The following CSMD1 variants were observed in gnomAD, a reference collection of about 807,000 sequenced individuals.
CSMD1 encodes the protein CUB and sushi domain-containing protein 1.
CSMD1 carries 213 observed loss-of-function variants against 417.5 expected under a neutral mutation model. The ratio of observed to expected loss-of-function variants is 0.51; its 90% confidence interval spans 0.46 to 0.57. The LOEUF (loss-of-function observed/expected upper bound fraction) is 0.57, where lower values mean the gene tolerates loss of function less well. CSMD1 is among the 20% of genes least tolerant of loss of function. The probability of loss-of-function intolerance (pLI) is 0.00; values close to 1 mark genes in which losing one functional copy is unlikely to be tolerated. For missense variants in CSMD1, 6,923 were observed against 4,529.7 expected, an observed-to-expected ratio of 1.53 and a Z score of -15.17; for synonymous variants, 2,862 against 1,736.8, an observed-to-expected ratio of 1.65 and a Z score of -16.11.
rs530587766 is a variant in CSMD1 at position 3,973,842 on chromosome 8, TTTTTAA to T, written c.818+24055_818+24060del. On this transcript the variant is annotated intron_variant, in intron 5 of 69. Coordinates refer to ENST00000635120, the MANE Select transcript of CSMD1 (RefSeq NM_033225.6). ...TATGTGTTTAATATGTAGTTGCTGT[TTTTTAA>T]TTTTAAGTGTTTATGGGTAACTATG... Among the ~76,000 whole-genome samples the T allele has an allele frequency of 3.9e-3, 589 of 152,306 alleles. 4 individuals are homozygous for T. The highest frequency in any genetic ancestry group is 6.5e-3 in the Non-Finnish European group (439 of 68,018).
chr8:4,682,941 G>A (rs1171875301), intron 1 of CSMD1, among the ~76,000 whole-genome samples: 1 of 130,434 alleles, frequency 7.7e-6, no homozygotes, highest in Non-Finnish European at 1.6e-5. Context: ...TTCTTTAGGA[G>A]CAATAAGTAT....
chr8:3,996,057 A>G (rs1354920832), intron 5 of CSMD1, among the ~76,000 whole-genome samples: 1 of 152,228 alleles, frequency 6.6e-6, no homozygotes, highest in Non-Finnish European at 1.5e-5. Context: ...CAATGGTCCC[A>G]TCAACTTTTC....
At chr8:3,692,242 C>T (rs1800289087) in intron 7 of CSMD1, among the ~76,000 whole-genome samples, 1 of 152,112 alleles carries the variant, frequency 6.6e-6, no homozygotes, top group South Asian at 2.1e-4. Context: ...CCTTCACAGC[C>T]CCCTTAGTCG....
chr8:3,716,384 T>C (rs1366625215), intron 6 of CSMD1, among the ~76,000 whole-genome samples: 1 of 152,222 alleles, frequency 6.6e-6, no homozygotes, highest in Non-Finnish European at 1.5e-5. Context: ...AGGCCGCTGG[T>C]TGCCCATTTT....
intron 1 of CSMD1, among the ~76,000 whole-genome samples, chr8:4,740,799 G>A (rs1176341617): frequency 6.6e-6 from 1 of 152,062 alleles, no homozygotes; most frequent in African/African-American, 2.4e-5. Context: ...TCAAAGCACA[G>A]GTATAGGATA....
intron 2 of CSMD1, among the ~76,000 whole-genome samples, chr8:4,592,625 G>C (rs1486023861): frequency 6.6e-6 from 1 of 152,130 alleles, no homozygotes; most frequent in Admixed American, 6.5e-5. Flanking sequence ...GATCCCAAGT[G>C]ATCCGCCTGT....
chr8:4,597,659 C>G (rs1159012970), intron 2 of CSMD1, among the ~76,000 whole-genome samples: 3 of 152,116 alleles, frequency 2.0e-5, no homozygotes, highest in African/African-American at 7.2e-5. Flanking sequence ...TACTATAACA[C>G]AATCAGAAAA....
At position 4,728,862 on chromosome 8, in the gene CSMD1, A is replaced by C. The variant is rs113685837; in HGVS notation, c.86-91304T>G. 3.1e-3 allele frequency among the ~76,000 whole-genome samples: 472 copies of C among 152,304 alleles called. 2 individuals carry two copies. Among genetic ancestry groups the C allele is most frequent in the African/African-American group, 0.011 (464 of 41,574 alleles). On this transcript the variant is annotated intron_variant, in intron 1 of 69. Transcript: ENST00000635120. ...GCTGGCATCTACTGAGATTAATAAA[A>C]GAGGGGAAGGGGAGAATTATTGGAG...
intron 25 of CSMD1, among the ~76,000 whole-genome samples, chr8:3,304,761 A>T (rs990408154): frequency 1.3e-5 from 2 of 151,932 alleles, no homozygotes; most frequent in African/African-American, 4.8e-5. Flanking sequence ...AATGTTAACA[A>T]AGTATTAGAT....
intron 3 of CSMD1, among the ~76,000 whole-genome samples, chr8:4,214,353 AGTGGTGC>A (rs1800503928): frequency 6.6e-6 from 1 of 152,202 alleles, no homozygotes. Context: ...GCTGGAGTGC[AGTGGTGC>A]GATCTTGGCT....
intron 12 of CSMD1, among the ~76,000 whole-genome samples, chr8:3,433,667 T>G (rs1240372422): frequency 6.6e-6 from 1 of 152,198 alleles, no homozygotes; most frequent in African/African-American, 2.4e-5. Flanking sequence ...ATTGGTGAGA[T>G]GCTTCTCTCT....
rs73660893 is a variant in CSMD1 at position 4,520,793 on chromosome 8, T to C, written c.303-100728A>G. 2.8e-3 allele frequency among the ~76,000 whole-genome samples: 422 copies of C among 152,298 alleles called. 3 individuals carry two copies. Among genetic ancestry groups the C allele is most frequent in the African/African-American group, 9.7e-3 (403 of 41,552 alleles). On this transcript the variant is annotated intron_variant, in intron 2 of 69. Transcript: ENST00000635120. ...TAAATATAGATTATTGCAATGAAAA[T>C]TTGAAATTATATTGGAGTGCCCTGT...
chr8:4,316,652 G>A (rs1350569349), intron 3 of CSMD1, among the ~76,000 whole-genome samples: 1 of 152,054 alleles, frequency 6.6e-6, no homozygotes, highest in East Asian at 1.9e-4. Context: ...GGTACACTGT[G>A]TCAAGATGAA....
intron 23 of CSMD1, among the ~76,000 whole-genome samples, chr8:3,331,622 T>C (rs1474442113): frequency 2.0e-5 from 3 of 152,228 alleles, no homozygotes; most frequent in Admixed American, 2.0e-4. Context: ...ACAATGAATG[T>C]GAATTGCCTG....
rs757866681 is a variant in CSMD1 at position 3,189,925 on chromosome 8, G to T, written c.5385C>A (p.Ile1795=). 14 of 1,581,946 alleles carry T rather than the reference G, an allele frequency of 8.8e-6. No individual in the cohort carries two copies. The highest frequency in any genetic ancestry group is 2.3e-5 in the East Asian group (1 of 43,254). ...PNALAQWNDT[I]PSCVVPCSGN... ...GACACTGCTCACCCACACAGCTGGG[G>T]ATCGTGTCGTTCCACTGTGCCAAGG... is the stretch of plus-strand genomic sequence containing the variant. The change falls in exon 34 of 70, where the codon ATC becomes ATA. Residue 1795 remains isoleucine (I), a synonymous_variant. Coordinates refer to ENST00000635120, the MANE Select transcript of CSMD1 (RefSeq NM_033225.6).
chr8:3,971,594 T>A (rs1048969967), intron 5 of CSMD1, among the ~76,000 whole-genome samples: 1 of 152,162 alleles, frequency 6.6e-6, no homozygotes, highest in Non-Finnish European at 1.5e-5. Flanking sequence ...TAGAATATGT[T>A]CAGTTTTGAC....
chr8:3,508,099 T>A (rs1038446533), intron 10 of CSMD1, among the ~76,000 whole-genome samples: 1 of 152,188 alleles, frequency 6.6e-6, no homozygotes, highest in African/African-American at 2.4e-5. Flanking sequence ...ATGTCCTGAA[T>A]GGTATTGCCT....
At chr8:3,493,752 C>G in intron 10 of CSMD1, 26 bp from the exon 11 acceptor site, 1 of 1,566,376 alleles carries the variant, frequency 6.4e-7, no homozygotes, top group Non-Finnish European at 8.7e-7. Context: ...GAAACAGTGA[C>G]TTAGAACAAC....
chr8:4,130,983 A>G (rs1324484081), intron 3 of CSMD1, among the ~76,000 whole-genome samples: 1 of 152,140 alleles, frequency 6.6e-6, no homozygotes, highest in African/African-American at 2.4e-5. Flanking sequence ...TTTGGTCTTA[A>G]AAGTCTCTCC....
Sources: gnomAD v4.1 joint callset for allele counts (sites outside exome capture counted in the v4.1 genomes callset) on GRCh38, gnomAD v4.1.1 for gene constraint, MANE v1.5 for transcripts, NCBI Gene and HGNC (gene_info 2026-07-23, HGNC 2026-07-21) for gene names.